HS3ST4: variants seen among roughly 807,000 people sequenced by gnomAD.
HS3ST4 encodes the protein heparan sulfate glucosamine 3-O-sulfotransferase 4.
A neutral mutation model predicts 29.2 loss-of-function variants in HS3ST4; 17 were observed. That is an observed-to-expected ratio of 0.58 (90% confidence interval 0.40 to 0.87). The LOEUF (loss-of-function observed/expected upper bound fraction) is 0.87, where lower values mean the gene tolerates loss of function less well. Ranked by LOEUF, HS3ST4 falls within the 40% of genes least tolerant of loss-of-function variation. The probability of loss-of-function intolerance (pLI) is 0.00; values close to 1 mark genes in which losing one functional copy is unlikely to be tolerated. For missense variants in HS3ST4, 627 were observed against 634.5 expected, an observed-to-expected ratio of 0.99 and a Z score of 0.13; for synonymous variants, 314 against 285.7, an observed-to-expected ratio of 1.10 and a Z score of -1.00.
intron 1 of HS3ST4, among the ~76,000 whole-genome samples, chr16:26,003,592 T>C (rs542819684): frequency 1.3e-5 from 2 of 152,316 alleles, no homozygotes; most frequent in East Asian, 3.9e-4. Flanking sequence ...ACTATGTCTT[T>C]TGCCTAATAT....
At chr16:25,868,956 T>C (rs938497486) in intron 1 of HS3ST4, among the ~76,000 whole-genome samples, 2 of 152,132 alleles carry the variant, frequency 1.3e-5, no homozygotes, top group Non-Finnish European at 2.9e-5. Context: ...TAAGTGCTTG[T>C]GTATATGTGT....
chr16:25,699,968 C>T (rs575650854), intron 1 of HS3ST4, among the ~76,000 whole-genome samples: 224 of 152,256 alleles, frequency 1.5e-3, no homozygotes, highest in South Asian at 3.3e-3. Context: ...TTCTCTCTTA[C>T]TCTTCTCCTT....
intron 1 of HS3ST4, among the ~76,000 whole-genome samples, chr16:25,832,159 C>A (rs750063028): frequency 6.6e-6 from 1 of 152,076 alleles, no homozygotes; most frequent in South Asian, 2.1e-4. Flanking sequence ...TTTCACTCAA[C>A]ATCTTCTTAC....
intron 1 of HS3ST4, among the ~76,000 whole-genome samples, chr16:26,123,899 C>G (rs1384174912): frequency 6.6e-6 from 1 of 151,540 alleles, no homozygotes; most frequent in Non-Finnish European, 1.5e-5. Flanking sequence ...ACCATCTTTC[C>G]TATTTTAGAA....
intron 1 of HS3ST4, among the ~76,000 whole-genome samples, chr16:25,698,119 A>G (rs1202355911): frequency 1.3e-5 from 2 of 150,558 alleles, no homozygotes; most frequent in Non-Finnish European, 3.0e-5. Flanking sequence ...TTTTAAAGAC[A>G]GGGGTCTCAC....
At chr16:25,840,258 C>T (rs909939458) in intron 1 of HS3ST4, among the ~76,000 whole-genome samples, 1 of 152,148 alleles carries the variant, frequency 6.6e-6, no homozygotes, top group African/African-American at 2.4e-5. Flanking sequence ...TTCTGGGAAG[C>T]CTTTTGTTGC....
At chr16:25,848,984 C>A (rs1967492281) in intron 1 of HS3ST4, among the ~76,000 whole-genome samples, 1 of 152,092 alleles carries the variant, frequency 6.6e-6, no homozygotes, top group African/African-American at 2.4e-5. Flanking sequence ...CGTTTCTAAA[C>A]AGGTTGTAAT....
chr16:25,828,487 C>T, intron 1 of HS3ST4, among the ~76,000 whole-genome samples: 1 of 151,570 alleles, frequency 6.6e-6, no homozygotes, highest in East Asian at 1.9e-4. Context: ...ACTACAGGCA[C>T]CCGCCACCAC....
At chr16:25,847,278 T>A (rs145677364) in intron 1 of HS3ST4, among the ~76,000 whole-genome samples, 4 of 152,314 alleles carry the variant, frequency 2.6e-5, no homozygotes, top group Non-Finnish European at 5.9e-5. Context: ...TGTACCTGGT[T>A]CATAATTGGG....
intron 1 of HS3ST4, among the ~76,000 whole-genome samples, chr16:25,783,115 CTGTTCTTTTTTTTTCTTTTTATTT>C (rs1473323808): frequency 6.6e-6 from 1 of 152,084 alleles, no homozygotes; most frequent in Non-Finnish European, 1.5e-5. Flanking sequence ...TCAGAGGAAG[CTGTTCTTTTTTTTTCTTTTTATTT>C]TGTGGATTGC....
chr16:26,095,639 C>G (rs1474930505), intron 1 of HS3ST4, among the ~76,000 whole-genome samples: 1 of 152,172 alleles, frequency 6.6e-6, no homozygotes. Context: ...AAATTTATAG[C>G]ACTAAATGCC....
intron 1 of HS3ST4, among the ~76,000 whole-genome samples, chr16:25,894,216 C>A (rs1168614262): frequency 6.6e-6 from 1 of 152,106 alleles, no homozygotes; most frequent in Non-Finnish European, 1.5e-5. Context: ...ATGCTGTGTT[C>A]TGTGAAGGGG....
At chr16:25,899,540 C>G (rs921906612) in intron 1 of HS3ST4, among the ~76,000 whole-genome samples, 1 of 152,018 alleles carries the variant, frequency 6.6e-6, no homozygotes, top group Non-Finnish European at 1.5e-5. Flanking sequence ...GAGTCTCACT[C>G]TGTTGCCCAG....
At chr16:25,853,647 T>G (rs951525901) in intron 1 of HS3ST4, among the ~76,000 whole-genome samples, 5 of 152,200 alleles carry the variant, frequency 3.3e-5, no homozygotes, top group Admixed American at 2.0e-4. Context: ...TTTTCTGCCC[T>G]TGCATTTTGT....
intron 1 of HS3ST4, among the ~76,000 whole-genome samples, chr16:25,750,777 T>A (rs946827622): frequency 6.6e-6 from 1 of 152,218 alleles, no homozygotes; most frequent in Non-Finnish European, 1.5e-5. Flanking sequence ...CAGCCTCTTC[T>A]GTCTTCATCA....
chr16:25,936,372 A>G (rs1356623876), intron 1 of HS3ST4, among the ~76,000 whole-genome samples: 1 of 152,204 alleles, frequency 6.6e-6, no homozygotes, highest in Non-Finnish European at 1.5e-5. Context: ...AGGATTTAGA[A>G]CCATCTGATC....
chr16:25,910,394 A>T (rs1437053901), intron 1 of HS3ST4, among the ~76,000 whole-genome samples: 2 of 152,098 alleles, frequency 1.3e-5, no homozygotes, highest in Non-Finnish European at 2.9e-5. Flanking sequence ...TAATCCCAGC[A>T]CTTTGGGAGG....
chr16:25,904,525 C>T (rs1968160679), intron 1 of HS3ST4, among the ~76,000 whole-genome samples: 1 of 152,148 alleles, frequency 6.6e-6, no homozygotes, highest in Non-Finnish European at 1.5e-5. Flanking sequence ...TTAGCACTGG[C>T]CGTCAGAATA....
At chr16:26,037,643 G>A (rs1969595603) in intron 1 of HS3ST4, among the ~76,000 whole-genome samples, 1 of 152,204 alleles carries the variant, frequency 6.6e-6, no homozygotes, top group South Asian at 2.1e-4. Context: ...AACATAGGAG[G>A]AGAGTATATG....
Sources: gnomAD v4.1 joint callset for allele counts (sites outside exome capture counted in the v4.1 genomes callset) on GRCh38, gnomAD v4.1.1 for gene constraint, MANE v1.5 for transcripts, NCBI Gene and HGNC (gene_info 2026-07-23, HGNC 2026-07-21) for gene names.